The following LPXN variants were observed in gnomAD, a reference collection of about 807,000 sequenced individuals.
The protein encoded by LPXN is leupaxin.
In LPXN, 28 loss-of-function variants were observed where a neutral mutation model predicts 45.6. That is an observed-to-expected ratio of 0.61 (90% CI 0.45 to 0.84). LPXN has a LOEUF of 0.84. Ranked by LOEUF, LPXN falls within the 40% of genes least tolerant of loss-of-function variation. The pLI, the probability that LPXN is intolerant of heterozygous loss-of-function variation, is 0.00. For missense variants in LPXN, 459 were observed against 475.0 expected (o/e 0.97, Z 0.31); for synonymous variants, 166 against 169.9 (o/e 0.98, Z 0.18).
chr11:58,577,926 G>A, upstream of LPXN: 10 of 1,406,394 alleles, frequency 7.1e-6, no homozygotes, highest in South Asian at 1.2e-4. Context: ...CTGAGTAGTG[G>A]GCCTTGTGCT....
At chr11:58,568,758 T>C (rs1027337076) in intron 2 of LPXN, among the ~76,000 whole-genome samples, 4 of 152,014 alleles carry the variant, frequency 2.6e-5, no homozygotes, top group African/African-American at 9.7e-5. Context: ...AGATCTGGGG[T>C]AAAAAGTAAA....
intron 7 of LPXN, 43 bp from the exon 8 acceptor site, chr11:58,528,234 C>T: frequency 1.3e-6 from 2 of 1,595,322 alleles, no homozygotes; most frequent in Non-Finnish European, 1.7e-6. Context: ...AGGTTGAGCC[C>T]TGAAAGCTAC....
upstream of LPXN, chr11:58,575,986 A>C (rs1854878652): frequency 1.5e-6 from 2 of 1,370,240 alleles, no homozygotes; most frequent in South Asian, 1.6e-5. Context: ...AATGTGACTG[A>C]CATAGAAAGG....
At chr11:58,533,606 G>C (rs1176625008) in intron 7 of LPXN, among the ~76,000 whole-genome samples, 2 of 152,130 alleles carry the variant, frequency 1.3e-5, no homozygotes, top group African/African-American at 4.8e-5. Context: ...TGAAGAAACT[G>C]TTCATAACAG....
At chr11:58,578,787 G>A (rs899406558), upstream of LPXN, among the ~76,000 whole-genome samples, 2 of 152,004 alleles carry the variant, frequency 1.3e-5, no homozygotes, top group Non-Finnish European at 2.9e-5. Context: ...CTTCTCACCC[G>A]CCTCCCTCGC....
rs768698364 is a variant in LPXN, at chr11:58,554,848, T to C, written c.311A>G (p.Gln104Arg). The C allele has an allele frequency of 1.9e-6, 3 of 1,613,060 alleles. No homozygotes were observed. Among genetic ancestry groups the C allele is most frequent in the Non-Finnish European group, 2.5e-6 (3 of 1,179,420 alleles). The change falls in exon 4 of 9, where the codon CAG becomes CGG. Residue 104 changes from glutamine to arginine, a missense_variant. Physicochemically the swap from Gln to Arg is conservative, Grantham distance 43. Transcript: ENST00000395074. ...DELMAHLTEM[Q>R]AKVAVRADAG... The stretch of plus-strand genomic sequence containing the variant: ...ACCTTGGCCTGCACTCACCTTGGCC[T>C]GCATCTCAGTCAGGTGAGCCATGAG...
At chr11:58,564,085 C>G in intron 3 of LPXN, 70 bp downstream of exon 3, 1 of 958,686 alleles carries the variant, frequency 1.0e-6, no homozygotes, top group East Asian at 2.5e-5. Flanking sequence ...AAATTATCAC[C>G]CAAACAAAGA....
At chr11:58,575,860 T>A (rs1854872740), upstream of LPXN, 1 of 1,613,572 alleles carries the variant, frequency 6.2e-7, no homozygotes, top group South Asian at 1.1e-5. Flanking sequence ...AGGAACTGGA[T>A]GAGACAGCAT....
intron 7 of LPXN, among the ~76,000 whole-genome samples, chr11:58,541,565 A>T (rs530438266): frequency 1.5e-4 from 22 of 150,106 alleles, no homozygotes; most frequent in African/African-American, 5.4e-4. Flanking sequence ...GATGTGGAGA[A>T]ATAGGAACAC....
At position 58,534,526 on chromosome 11, in the gene LPXN, G is replaced by A. The variant is rs565770241; in HGVS notation, c.743-6335C>T. 5.3e-5 allele frequency among the ~76,000 whole-genome samples: 8 copies of A among 152,306 alleles called. No individual in the cohort carries two copies. The East Asian group carries it at 1.3e-3, about 26-fold the overall frequency. On this transcript the variant is annotated intron_variant, in intron 7 of 8. Coordinates refer to ENST00000395074, the MANE Select transcript of LPXN (RefSeq NM_004811.3). Reference sequence around the variant, plus strand: ...ATCTCTGGGACACATTTAAAGCAGTGTGTAGAGGGAAATTTATAGCACTAA... The same window carrying A: ...ATCTCTGGGACACATTTAAAGCAGTATGTAGAGGGAAATTTATAGCACTAA...
chr11:58,551,573 C>T (rs1724686454), intron 4 of LPXN, among the ~76,000 whole-genome samples: 1 of 152,110 alleles, frequency 6.6e-6, no homozygotes, highest in African/African-American at 2.4e-5. Flanking sequence ...ATTTATTTGG[C>T]AATAATTGTT....
chr11:58,565,406 G>C (rs1224874702), intron 2 of LPXN, among the ~76,000 whole-genome samples: 1 of 152,020 alleles, frequency 6.6e-6, no homozygotes, highest in African/African-American at 2.4e-5. Context: ...GGTGTTGCGT[G>C]CCTGTAATCC....
chr11:58,549,851 A>G lies in LPXN; in HGVS notation c.677T>C (p.Met226Thr). 7 of 1,614,180 alleles carry G rather than the reference A, an allele frequency of 4.3e-6. No individual in the cohort carries two copies. The highest frequency in any genetic ancestry group is 5.9e-6 in the Non-Finnish European group (7 of 1,180,042). ...GTGCTCTGGGTGCCAGGTCTGGTTC[A>G]TTGCTGTCAGCACTTTCTGGAAAGG... ...APILDKVLTAMNQTWHPEHFF... is the reference protein window; with the variant it reads ...APILDKVLTATNQTWHPEHFF... The change falls in exon 7 of 9, where the codon ATG (methionine) becomes ACG (threonine). Residue 226 changes from methionine (M) to threonine (T), a missense_variant. Physicochemically the swap from Met to Thr is moderately conservative, Grantham distance 81. Coordinates refer to ENST00000395074, the MANE Select transcript of LPXN (RefSeq NM_004811.3).
Position 58,528,154 on chromosome 11 carries a change from C to T in LPXN, c.780G>A (p.Lys260=), listed in dbSNP as rs374395427. ...TGGGTGAGAACATGGCTAAGAAATCCTTTCGGCAATATGGCTTCTTGTCCT... is the reference window on the plus strand; with the variant it reads ...TGGGTGAGAACATGGCTAAGAAATCTTTTCGGCAATATGGCTTCTTGTCCT... ...HEKDKKPYCR[K]DFLAMFSPKC... Residue 260 remains lysine, a synonymous_variant, in exon 8 of 9, where the codon AAG becomes AAA. Coordinates refer to ENST00000395074, the MANE Select transcript of LPXN (RefSeq NM_004811.3). The T allele has an allele frequency of 3.1e-6, 5 of 1,614,176 alleles. No homozygotes were observed. The highest frequency in any genetic ancestry group is 2.7e-5 in the African/African-American group (2 of 75,042).
Position 58,527,219 on chromosome 11 carries a change from T to C in LPXN, c.*235A>G, listed in dbSNP as rs774527597. 1.4e-5 allele frequency: 7 copies of C among 485,656 alleles called. No individual in the cohort carries two copies. The highest frequency in any genetic ancestry group is 2.6e-5 in the Non-Finnish European group (7 of 268,970). 30.1% of individuals were successfully genotyped at this position (485,656 alleles called of 1,614,324 possible). A position where few individuals can be genotyped will look rare whatever the true frequency, so the allele number is the denominator to read the frequency against. On this transcript the variant is annotated 3_prime_UTR_variant, in exon 9 of 9. Coordinates refer to ENST00000395074, the MANE Select transcript of LPXN (RefSeq NM_004811.3). The stretch of plus-strand genomic sequence containing the variant: ...AGGACCTAGATCTAACTCCAAGTGC[T>C]TGATTGGAGAAGAGAGGGAGAAAGA...
intron 1 of LPXN, 88 bp downstream of exon 1, chr11:58,575,672 A>C: frequency 7.1e-7 from 1 of 1,415,476 alleles, no homozygotes; most frequent in South Asian, 1.1e-5. Flanking sequence ...TACTACCCTC[A>C]GTCTAGCCAG....
intron 7 of LPXN, among the ~76,000 whole-genome samples, chr11:58,538,123 C>T (rs1015892727): frequency 2.6e-5 from 4 of 151,856 alleles, no homozygotes; most frequent in Admixed American, 6.6e-5. Flanking sequence ...TATGGCTGCA[C>T]AGTATTCCAT....
chr11:58,535,147 G>A (rs1304155074), intron 7 of LPXN, among the ~76,000 whole-genome samples: 2 of 152,076 alleles, frequency 1.3e-5, no homozygotes, highest in Non-Finnish European at 1.5e-5. Flanking sequence ...AGAAAAAGGG[G>A]GAATCCTCCC....
chr11:58,578,125 G>A (rs971462139), upstream of LPXN: 232 of 1,512,516 alleles, frequency 1.5e-4, no homozygotes, highest in Non-Finnish European at 2.0e-4. Context: ...CAGACACCCC[G>A]AGAAAGGTAC....
Sources: gnomAD v4.1 joint callset for allele counts (sites outside exome capture counted in the v4.1 genomes callset) on GRCh38, gnomAD v4.1.1 for gene constraint, MANE v1.5 for transcripts, NCBI Gene and HGNC (gene_info 2026-07-23, HGNC 2026-07-21) for gene names.